Variants in POFUT3 observed in about 807,000 individuals in gnomAD.
POFUT3 encodes the protein protein O-fucosyltransferase 3, also known as GDP-fucose protein O-fucosyltransferase 3.
chr8:33,471,163 A>G, the POFUT3 span, among the ~76,000 whole-genome samples: 8 of 152,232 alleles, frequency 5.3e-5, no homozygotes, highest in African/African-American at 1.9e-4. Flanking sequence ...GAATGCTGGT[A>G]ATTGAATTAG....
At chr8:33,387,403 T>C in the POFUT3 span, among the ~76,000 whole-genome samples, 2 of 152,310 alleles carry the variant, frequency 1.3e-5, no homozygotes, top group East Asian at 3.9e-4. Flanking sequence ...ATACATACAA[T>C]ACCTAAAGAT....
the POFUT3 span, among the ~76,000 whole-genome samples, chr8:33,382,123 T>C: frequency 6.6e-6 from 1 of 152,058 alleles, no homozygotes; most frequent in South Asian, 2.1e-4. Flanking sequence ...CAAAACTCCA[T>C]CTGTACAAAA....
the POFUT3 span, chr8:33,372,565 T>C: frequency 6.2e-7 from 1 of 1,611,502 alleles, no homozygotes. Flanking sequence ...TTCATTCTGA[T>C]CATTTTTGAA....
the POFUT3 span, among the ~76,000 whole-genome samples, chr8:33,395,809 G>A: frequency 4.6e-5 from 7 of 152,054 alleles, no homozygotes; most frequent in Non-Finnish European, 8.8e-5. Flanking sequence ...TCCTGCTGGC[G>A]CCCAAAAGCA....
the POFUT3 span, among the ~76,000 whole-genome samples, chr8:33,465,728 G>A: frequency 2.8e-3 from 427 of 152,054 alleles, 2 homozygotes; most frequent in South Asian, 0.011. Context: ...CACCTGCCTC[G>A]GCCTCCCAAA....
chr8:33,313,626 C>A, the POFUT3 span, among the ~76,000 whole-genome samples: 2 of 152,060 alleles, frequency 1.3e-5, no homozygotes, highest in African/African-American at 4.8e-5. Flanking sequence ...GGGCTCTGAG[C>A]AACACAGAAT....
the POFUT3 span, among the ~76,000 whole-genome samples, chr8:33,320,518 A>C: frequency 1.3e-5 from 2 of 152,004 alleles, no homozygotes; most frequent in Non-Finnish European, 2.9e-5. Flanking sequence ...ACTACTCCAA[A>C]ACTCAGTGGT....
At chr8:33,417,333 T>C in the POFUT3 span, among the ~76,000 whole-genome samples, 2 of 152,172 alleles carry the variant, frequency 1.3e-5, no homozygotes, top group Non-Finnish European at 2.9e-5. Flanking sequence ...TATATTACAA[T>C]GTAATAATAA....
the POFUT3 span, among the ~76,000 whole-genome samples, chr8:33,454,809 G>A: frequency 6.6e-6 from 1 of 151,962 alleles, no homozygotes; most frequent in Non-Finnish European, 1.5e-5. Context: ...TGGGATTACA[G>A]GTGCCAGCCA....
chr8:33,428,511 A>G, the POFUT3 span, among the ~76,000 whole-genome samples: 1 of 152,216 alleles, frequency 6.6e-6, no homozygotes, highest in African/African-American at 2.4e-5. Context: ...CTTTAGACTA[A>G]CTAACAAGGG....
chr8:33,315,549 G>A, the POFUT3 span, among the ~76,000 whole-genome samples: 1 of 152,072 alleles, frequency 6.6e-6, no homozygotes, highest in Non-Finnish European at 1.5e-5. Flanking sequence ...GTCAGAAAGT[G>A]GGGGCCGTGT....
the POFUT3 span, among the ~76,000 whole-genome samples, chr8:33,397,142 T>C: frequency 5.3e-5 from 8 of 152,232 alleles, no homozygotes; most frequent in Non-Finnish European, 1.0e-4. Context: ...CAACTTCTAG[T>C]GTTTGAGATA....
At chr8:33,379,875 T>C in the POFUT3 span, among the ~76,000 whole-genome samples, 1 of 128,182 alleles carries the variant, frequency 7.8e-6, no homozygotes, top group Non-Finnish European at 1.6e-5. Context: ...AATATATATA[T>C]ACTATATATA....
chr8:33,326,426 G>A, the POFUT3 span, among the ~76,000 whole-genome samples: 1 of 151,854 alleles, frequency 6.6e-6, no homozygotes, highest in Non-Finnish European at 1.5e-5. Flanking sequence ...AAACCAAAGT[G>A]GTTTTAGTCA....
chr8:33,456,912 G>A, the POFUT3 span, among the ~76,000 whole-genome samples: 1 of 151,554 alleles, frequency 6.6e-6, no homozygotes, highest in Non-Finnish European at 1.5e-5. Context: ...GGGACTACAG[G>A]CATGCACCAC....
At chr8:33,370,292 T>C in the POFUT3 span, among the ~76,000 whole-genome samples, 178 of 150,206 alleles carry the variant, frequency 1.2e-3, 1 homozygote, top group African/African-American at 4.3e-3. Flanking sequence ...GAGGTGGAGG[T>C]TGCAGTGAGC....
chr8:33,427,962 A>G, the POFUT3 span, among the ~76,000 whole-genome samples: 1 of 151,978 alleles, frequency 6.6e-6, no homozygotes, highest in African/African-American at 2.4e-5. Context: ...CATCTCTACT[A>G]AAAAATACAA....
chr8:33,350,974 T>C, the POFUT3 span, among the ~76,000 whole-genome samples: 1 of 152,276 alleles, frequency 6.6e-6, no homozygotes, highest in Non-Finnish European at 1.5e-5. Flanking sequence ...CAAAGTTCTT[T>C]ATTTTTATTT....
chr8:33,347,041 C>G, the POFUT3 span, among the ~76,000 whole-genome samples: 1 of 152,112 alleles, frequency 6.6e-6, no homozygotes, highest in African/African-American at 2.4e-5. Context: ...GAATGCTTTA[C>G]CCAACTCTCT....
Sources: gnomAD v4.1 joint callset for allele counts (sites outside exome capture counted in the v4.1 genomes callset) on GRCh38, gnomAD v4.1.1 for gene constraint, MANE v1.5 for transcripts, NCBI Gene and HGNC (gene_info 2026-07-23, HGNC 2026-07-21) for gene names.